Variants in CELF1 observed in about 807,000 individuals in gnomAD.
The protein encoded by CELF1 is 50 kDa nuclear polyadenylated RNA-binding protein.
In CELF1, 10 loss-of-function variants were observed where a neutral mutation model predicts 61.8. The observed-to-expected ratio is 0.16, with a 90% CI of 0.10 to 0.27. The LOEUF is 0.27. Among genes scored for constraint, CELF1 ranks in the 10% least tolerant of loss-of-function variants. The probability of loss-of-function intolerance (pLI) is 1.00; values close to 1 mark genes in which losing one functional copy is unlikely to be tolerated. For synonymous variants in CELF1, 236 were observed against 225.1 expected (o/e 1.05, Z -0.43); for missense variants, 380 against 639.1 (o/e 0.59, Z 4.37).
chr11:47,532,248 T>C (rs1420353374), intron 1 of CELF1, among the ~76,000 whole-genome samples: 1 of 152,158 alleles, frequency 6.6e-6, no homozygotes, highest in East Asian at 1.9e-4. Flanking sequence ...CAGGCTGGTG[T>C]CAAACTCCTG....
At chr11:47,504,705 C>T (rs1389014028) in intron 1 of CELF1, among the ~76,000 whole-genome samples, 1 of 151,092 alleles carries the variant, frequency 6.6e-6, no homozygotes, top group African/African-American at 2.4e-5. Context: ...AGTTCTAGAC[C>T]AGTTTGATCA....
At chr11:47,530,738 T>C (rs1487197370) in intron 1 of CELF1, among the ~76,000 whole-genome samples, 2 of 151,946 alleles carry the variant, frequency 1.3e-5, no homozygotes, top group Non-Finnish European at 2.9e-5. Flanking sequence ...GAAGATTGCT[T>C]GAGACCAGGA....
intron 11 of CELF1, 111 bp downstream of exon 11, chr11:47,477,185 CT>C: frequency 8.1e-7 from 1 of 1,240,442 alleles, no homozygotes; most frequent in Non-Finnish European, 1.1e-6. Flanking sequence ...TGCTCATAAT[CT>C]GACCTCTCTG....
intron 1 of CELF1, among the ~76,000 whole-genome samples, chr11:47,564,723 G>A (rs1322726375): frequency 3.9e-5 from 6 of 151,936 alleles, no homozygotes; most frequent in African/African-American, 7.2e-5. Context: ...CCCGGGAGGC[G>A]GAGGTTGCAG....
chr11:47,558,556 ATT>A (rs1565921504), intron 2 of CELF1, among the ~76,000 whole-genome samples: 1 of 115,656 alleles, frequency 8.6e-6, no homozygotes, highest in African/African-American at 3.6e-5. Context: ...TATTATATAT[ATT>A]TATATATAAT....
rs759963697 is a variant in CELF1 at position 47,472,302 on chromosome 11, G to A, written c.1473C>T (p.Asn491=). The A allele has an allele frequency of 6.8e-6, 11 of 1,614,134 alleles. No homozygotes were observed. Among genetic ancestry groups the A allele is most frequent in the Admixed American group, 5.0e-5 (3 of 60,022 alleles). ...VSAQAAIQSM[N]GFQIGMKRLK... Reference sequence around the variant, plus strand: ...GCCGCTTCATGCCAATCTGAAAGCCGTTCATGGACTGGATGGCAGCTTGGG... The same window carrying A: ...GCCGCTTCATGCCAATCTGAAAGCCATTCATGGACTGGATGGCAGCTTGGG... Residue 491 remains asparagine (N), a synonymous_variant, in exon 15 of 15, where the codon AAC becomes AAT. Coordinates refer to ENST00000687097, the MANE Select transcript of CELF1 (RefSeq NM_001376376.1).
At chr11:47,524,761 G>C (rs1293118949) in intron 1 of CELF1, 2 of 152,212 alleles carry the variant, frequency 1.3e-5, no homozygotes, top group Non-Finnish European at 2.9e-5. Flanking sequence ...TCCGTGCTCA[G>C]AGAGGGAGGA....
At chr11:47,522,534 AC>A (rs1350334827) in intron 1 of CELF1, among the ~76,000 whole-genome samples, 4 of 149,946 alleles carry the variant, frequency 2.7e-5, no homozygotes, top group Non-Finnish European at 5.9e-5. Context: ...AACAACAACA[AC>A]AACAACAAAA....
chr11:47,548,817 G>T (rs957634829), intron 1 of CELF1, among the ~76,000 whole-genome samples: 2 of 131,504 alleles, frequency 1.5e-5, no homozygotes, highest in African/African-American at 2.9e-5. Context: ...AGTGAGCAGA[G>T]ATCACACCAC....
chr11:47,547,237 T>C (rs2096986253), intron 1 of CELF1, among the ~76,000 whole-genome samples: 1 of 152,194 alleles, frequency 6.6e-6, no homozygotes, highest in East Asian at 1.9e-4. Context: ...AGTTTGAATA[T>C]GTCAGTGGAC....
intron 3 of CELF1, among the ~76,000 whole-genome samples, chr11:47,492,907 T>C (rs2092139493): frequency 6.6e-6 from 1 of 152,208 alleles, no homozygotes; most frequent in Admixed American, 6.5e-5. Flanking sequence ...TACATTTTGA[T>C]AAGGAAGCTG....
At position 47,470,312 on chromosome 11, in the gene CELF1, T is replaced by TTTA. The variant is rs2077412101; in HGVS notation, c.*1917_*1918insTAA. 3.6e-4 allele frequency: 55 copies of TTTA among 152,092 alleles called. 1 individual carries two copies. 9.4% of individuals were successfully genotyped at this position (152,092 alleles called of 1,614,324 possible). ...TTTTTTTTTTTTGTTTTCTTTTTTC[T>TTTA]TTTTTATTTTTATTTTTTGCATTTA... is the stretch of plus-strand genomic sequence containing the variant. On this transcript the variant is annotated 3_prime_UTR_variant, in exon 15 of 15. Transcript: ENST00000687097.
At chr11:47,475,609 A>G in intron 12 of CELF1, 88 bp from the exon 13 acceptor site, 1 of 1,343,368 alleles carries the variant, frequency 7.4e-7, no homozygotes, top group Non-Finnish European at 1.0e-6. Context: ...AGAAGAGGGA[A>G]AACTCCAAAG....
chr11:47,484,668 T>A, intron 6 of CELF1, 145 bp from the exon 7 acceptor site: 1 of 650,994 alleles, frequency 1.5e-6, no homozygotes, highest in Non-Finnish European at 2.5e-6. Flanking sequence ...TTTTTTGTAT[T>A]TTTCACATCT....
chr11:47,528,902 G>A (rs1478518099), intron 1 of CELF1, among the ~76,000 whole-genome samples: 5 of 146,900 alleles, frequency 3.4e-5, no homozygotes, highest in African/African-American at 1.3e-4. Flanking sequence ...AAAAAAAAAA[G>A]AAAGGTAAAG....
At position 47,558,396 on chromosome 11, in the gene CELF1, C is replaced by T. The variant is rs1402589040; in HGVS notation, c.-11+5955G>A. Among the ~76,000 whole-genome samples, 7 of 140,416 alleles carry T rather than the reference C, an allele frequency of 5.0e-5. No homozygotes were observed. The East Asian group carries it at 1.2e-3, about 24-fold the overall frequency. The allele number at this position is 140,416 out of a possible 152,430, so 92.1% of individuals were successfully genotyped here. A position where few individuals can be genotyped will look rare whatever the true frequency, so the allele number is the denominator to read the frequency against. ...GTAAAATAATGGATCTAGTCAATAG[C>T]CATCAATGGATAAAAGCATTAGATG... On this transcript the variant is annotated intron_variant, in intron 2 of 3. Transcript: ENST00000525841.
rs74892114 is a variant in CELF1 at position 47,545,604 on chromosome 11, C to G, written c.-154+7388G>C. ...AACAAGGAGTGAATCTGAAGTCTTA[C>G]AGCATAAAGTTTGCCTAGCTGCCAG... is the stretch of plus-strand genomic sequence containing the variant. On this transcript the variant is annotated intron_variant, in intron 1 of 14. Coordinates refer to ENST00000687097, the MANE Select transcript of CELF1 (RefSeq NM_001376376.1). Among the ~76,000 whole-genome samples, 224 of 152,252 alleles carry G rather than the reference C, an allele frequency of 1.5e-3. 2 individuals are homozygous for G. In the East Asian group the frequency reaches 0.04, roughly 27 times the overall value.
At chr11:47,494,594 C>T (rs2153517314) in intron 3 of CELF1, 1 of 600,460 alleles carries the variant, frequency 1.7e-6, no homozygotes, top group Non-Finnish European at 2.1e-6. Flanking sequence ...TTCCCCACCC[C>T]AGGCCTATCT....
intron 1 of CELF1, among the ~76,000 whole-genome samples, chr11:47,546,648 A>C (rs2096959235): frequency 1.3e-5 from 2 of 152,226 alleles, no homozygotes; most frequent in Non-Finnish European, 2.9e-5. Context: ...ATCTGTGCAC[A>C]ACATAAGATA....
Sources: gnomAD v4.1 joint callset for allele counts (sites outside exome capture counted in the v4.1 genomes callset) on GRCh38, gnomAD v4.1.1 for gene constraint, MANE v1.5 for transcripts, NCBI Gene and HGNC (gene_info 2026-07-23, HGNC 2026-07-21) for gene names.